Variants in CACNB2 observed in about 807,000 individuals in gnomAD.
CACNB2 encodes voltage-dependent L-type calcium channel subunit beta-2.
A neutral mutation model predicts 73.3 loss-of-function variants in CACNB2; 42 were observed. The observed-to-expected ratio is 0.57, with a 90% confidence interval of 0.45 to 0.74. CACNB2 has a LOEUF of 0.74. Ranked by LOEUF, CACNB2 falls within the 30% of genes least tolerant of loss-of-function variation. The probability of loss-of-function intolerance (pLI) is 0.00; values close to 1 mark genes in which losing one functional copy is unlikely to be tolerated. For missense variants in CACNB2, 940 were observed against 853.0 expected (o/e 1.10, Z -1.27); for synonymous variants, 348 against 310.3 (o/e 1.12, Z -1.28).
intron 1 of CACNB2, among the ~76,000 whole-genome samples, chr10:18,142,210 C>A (rs555170159): frequency 1.3e-5 from 2 of 152,362 alleles, no homozygotes; most frequent in African/African-American, 4.8e-5. Flanking sequence ...ACTTAAAACA[C>A]ATAATTCACT....
At chr10:18,283,495 A>C (rs1184263312) in intron 2 of CACNB2, among the ~76,000 whole-genome samples, 2 of 152,268 alleles carry the variant, frequency 1.3e-5, no homozygotes, top group South Asian at 2.1e-4. Flanking sequence ...CAGCCATAAA[A>C]AAGGATGAGT....
chr10:18,484,300 A>G (rs2048944407), intron 3 of CACNB2, among the ~76,000 whole-genome samples: 1 of 152,044 alleles, frequency 6.6e-6, no homozygotes, highest in Non-Finnish European at 1.5e-5. Flanking sequence ...AGGCTGAGGC[A>G]GGAGAATCAC....
At chr10:18,470,874 A>G (rs1466910268) in intron 3 of CACNB2, among the ~76,000 whole-genome samples, 5 of 152,206 alleles carry the variant, frequency 3.3e-5, no homozygotes, top group Non-Finnish European at 7.3e-5. Context: ...GGTCACAGAG[A>G]CTGACATGCA....
chr10:18,500,399 G>A lies in CACNB2; in HGVS notation c.457-413G>A, dbSNP rs143058429. Among the ~76,000 whole-genome samples the A allele has an allele frequency of 2.1e-3, 316 of 152,216 alleles. 1 individual carries two copies. The highest frequency in any genetic ancestry group is 6.9e-3 in the African/African-American group (287 of 41,528). ...TGTCCTGTGACATGAAATATTTAAG[G>A]TACACTTCAATATTTATCTCTTTCT... On this transcript the variant is annotated intron_variant, in intron 4 of 13. Transcript: ENST00000324631.
At chr10:18,291,384 AC>A (rs1402487703) in intron 2 of CACNB2, among the ~76,000 whole-genome samples, 1 of 152,188 alleles carries the variant, frequency 6.6e-6, no homozygotes, top group South Asian at 2.1e-4. Flanking sequence ...AGAGAGGAAC[AC>A]CTCTGTGATT....
intron 2 of CACNB2, among the ~76,000 whole-genome samples, chr10:18,317,960 C>T (rs1385194847): frequency 6.6e-6 from 1 of 152,054 alleles, no homozygotes; most frequent in East Asian, 1.9e-4. Context: ...CGAACCACTG[C>T]TCAAGAAAAT....
chr10:18,267,627 A>G (rs1464671870), intron 2 of CACNB2, among the ~76,000 whole-genome samples: 1 of 152,200 alleles, frequency 6.6e-6, no homozygotes, highest in Non-Finnish European at 1.5e-5. Context: ...CAAAAAAATA[A>G]AAAGGGAAAT....
chr10:18,298,334 C>A (rs1189719085), intron 2 of CACNB2, among the ~76,000 whole-genome samples: 1 of 151,222 alleles, frequency 6.6e-6, no homozygotes. Context: ...TACGCCATTT[C>A]ACTCCAGCCT....
chr10:18,226,004 T>A (rs1224066554), intron 2 of CACNB2, among the ~76,000 whole-genome samples: 1 of 150,552 alleles, frequency 6.6e-6, no homozygotes, highest in African/African-American at 2.5e-5. Flanking sequence ...GAGATGCTTT[T>A]TTTTAATTTT....
chr10:18,386,975 C>A (rs570808322), intron 2 of CACNB2, among the ~76,000 whole-genome samples: 48 of 152,324 alleles, frequency 3.2e-4, no homozygotes, highest in Non-Finnish European at 6.6e-4. Flanking sequence ...ACAGTATTAT[C>A]ATCATTTAAT....
intron 2 of CACNB2, among the ~76,000 whole-genome samples, chr10:18,200,554 A>G (rs1349310296): frequency 2.0e-5 from 3 of 152,024 alleles, no homozygotes; most frequent in Admixed American, 6.5e-5. Context: ...TCCAGTAAAA[A>G]TGATCCATTG....
intron 2 of CACNB2, among the ~76,000 whole-genome samples, chr10:18,236,423 GA>G (rs2036448937): frequency 6.6e-6 from 1 of 152,218 alleles, no homozygotes; most frequent in African/African-American, 2.4e-5. Flanking sequence ...GAGGTAGAGA[GA>G]AAAAGAAGGA....
intron 5 of CACNB2, 34 bp from the exon 6 acceptor site, chr10:18,506,437 G>T (rs1218462133): frequency 8.5e-7 from 1 of 1,177,272 alleles, no homozygotes; most frequent in Non-Finnish European, 1.3e-6. Flanking sequence ...CGAAATAAGT[G>T]TCAGATTTAA....
intron 2 of CACNB2, among the ~76,000 whole-genome samples, chr10:18,349,994 A>G (rs2132128514): frequency 6.6e-6 from 1 of 152,314 alleles, no homozygotes; most frequent in Non-Finnish European, 1.5e-5. Context: ...CTGTAATCCC[A>G]GCACTTTTGG....
intron 2 of CACNB2, among the ~76,000 whole-genome samples, chr10:18,198,204 A>G (rs2034715396): frequency 6.7e-6 from 1 of 149,222 alleles, no homozygotes; most frequent in Non-Finnish European, 1.5e-5. Flanking sequence ...CATATAAGTA[A>G]TATATTAACA....
In CACNB2 at chr10:18,214,592, A is replaced by G. The variant is rs1475233009; in HGVS notation, c.213+63617A>G. Among the ~76,000 whole-genome samples, 6 of 116,374 alleles carry G rather than the reference A, an allele frequency of 5.2e-5. 3 individuals carry two copies. The Admixed American group carries it at 6.0e-4, about 12-fold the overall frequency. The allele number at this position is 116,374 out of a possible 152,430, so 76.3% of individuals were successfully genotyped here. On this transcript the variant is annotated intron_variant, in intron 2 of 13. Coordinates refer to ENST00000324631, the MANE Select transcript of CACNB2 (RefSeq NM_201596.3). ...CAGTGAGCCGAGATAGCACCACTGC[A>G]TTACAGCCTGGGCAATGGAGTGAGA...
chr10:18,428,592 A>G (rs1312770579), intron 3 of CACNB2, among the ~76,000 whole-genome samples: 1 of 151,846 alleles, frequency 6.6e-6, no homozygotes, highest in Non-Finnish European at 1.5e-5. Context: ...AGGCTGAGGT[A>G]TGAGAATCGC....
chr10:18,322,487 C>A (rs1317640335), intron 2 of CACNB2, among the ~76,000 whole-genome samples: 1 of 152,098 alleles, frequency 6.6e-6, no homozygotes, highest in Non-Finnish European at 1.5e-5. Context: ...TACAAAACAT[C>A]CCACATTTCC....
At chr10:18,443,716 C>CT (rs11412050) in intron 3 of CACNB2, among the ~76,000 whole-genome samples, 86,609 of 135,794 alleles carry the variant, frequency 0.64, 28,253 homozygotes, top group South Asian at 0.73. Flanking sequence ...TCCTACATAC[C>CT]TTTTTTTTTT....
Sources: gnomAD v4.1 joint callset for allele counts (sites outside exome capture counted in the v4.1 genomes callset) on GRCh38, gnomAD v4.1.1 for gene constraint, MANE v1.5 for transcripts, NCBI Gene and HGNC (gene_info 2026-07-23, HGNC 2026-07-21) for gene names.